Variants in LAMA2 observed in about 807,000 individuals in gnomAD.
LAMA2 encodes the protein laminin subunit alpha 2.
Under a neutral mutation model 364.8 loss-of-function variants are expected in LAMA2, and 269 were observed. The observed-to-expected ratio is 0.74, with a 90% CI of 0.67 to 0.82. The LOEUF (loss-of-function observed/expected upper bound fraction) is 0.82, where lower values mean the gene tolerates loss of function less well. Ranked by LOEUF, LAMA2 falls within the 40% of genes least tolerant of loss-of-function variation. LAMA2 has a pLI of 0.00. For missense variants in LAMA2, 3,807 were observed against 3,873.2 expected (o/e 0.98, Z 0.45); for synonymous variants, 1,379 against 1,370.6 (o/e 1.01, Z -0.14).
intron 4 of LAMA2, among the ~76,000 whole-genome samples, chr6:129,139,116 A>T (rs1279648168): frequency 1.3e-5 from 2 of 152,110 alleles, no homozygotes; most frequent in Non-Finnish European, 2.9e-5. Context: ...ATGGAGGAAG[A>T]CCAATGGAAT....
Position 129,492,484 on chromosome 6 carries a change from G to A in LAMA2, c.8244+1G>A, listed in dbSNP as rs749522728. On this transcript the variant is annotated splice_donor_variant, in intron 58 of 64. Transcript: ENST00000421865. LOFTEE classifies it high-confidence loss of function. ...TACGCCCACCCCAGTTCTGACACAT[G>A]TAAGTGTTTATATTATCCCCATTGC... 8.7e-6 allele frequency: 14 copies of A among 1,611,348 alleles called. No homozygotes were observed. Among genetic ancestry groups the A allele is most frequent in the African/African-American group, 1.3e-5 (1 of 74,804 alleles).
In LAMA2 at chr6:129,456,432, A is replaced by T; in HGVS notation, c.6805A>T (p.Thr2269Ser). ...CCATTCGACGTCTCCTCCAGGGTAC[A>T]CGATTCTAGATGTGGATGCAAATGC... ...THHSTSPPGYTILDVDANAML... is the reference protein window; with the variant it reads ...THHSTSPPGYSILDVDANAML... Residue 2269 changes from threonine (T) to serine (S), a missense_variant, in exon 48 of 65, where the codon ACG becomes TCG. Coordinates refer to ENST00000421865, the MANE Select transcript of LAMA2 (RefSeq NM_000426.4). 1 of 1,613,630 alleles carries T rather than the reference A, an allele frequency of 6.2e-7. No individual in the cohort carries two copies. The highest frequency in any genetic ancestry group is 8.5e-7 in the Non-Finnish European group (1 of 1,179,668).
intron 28 of LAMA2, among the ~76,000 whole-genome samples, chr6:129,325,529 TTC>T (rs1236635640): frequency 3.3e-5 from 5 of 149,952 alleles, no homozygotes; most frequent in Admixed American, 1.4e-4. Flanking sequence ...AAGAGAGAAT[TTC>T]TGTTTTTTTT....
intron 13 of LAMA2, among the ~76,000 whole-genome samples, chr6:129,251,070 CTCTCTCTATATATA>C (rs1395455503): frequency 2.1e-3 from 140 of 67,628 alleles, no homozygotes; most frequent in African/African-American, 5.5e-3. Context: ...CTCTCTCTCT[CTCTCTCTATATATA>C]TATATATATA....
At position 129,267,135 on chromosome 6, in the gene LAMA2, C is replaced by T. The variant is rs777009603; in HGVS notation, c.2238C>T (p.Asn746=). The change falls in exon 16 of 65, where the codon AAC becomes AAT. Residue 746 remains asparagine (N), a synonymous_variant. Coordinates refer to ENST00000421865, the MANE Select transcript of LAMA2 (RefSeq NM_000426.4). ...ESCWPRHRRV[N]GTIFGGICEP... Reference sequence around the variant, plus strand: ...GTTGGCCTAGGCACAGGCGAGTTAACGGCACTATTTTTGGTGGCATCTGTG... The same window carrying T: ...GTTGGCCTAGGCACAGGCGAGTTAATGGCACTATTTTTGGTGGCATCTGTG... The T allele has an allele frequency of 9.9e-6, 16 of 1,612,898 alleles. No homozygotes were observed. The highest frequency in any genetic ancestry group is 9.9e-5 in the South Asian group (9 of 91,060).
At chr6:129,426,656 A>C (rs1781341641) in intron 40 of LAMA2, among the ~76,000 whole-genome samples, 2 of 152,148 alleles carry the variant, frequency 1.3e-5, no homozygotes, top group Admixed American at 6.5e-5. Context: ...AGATGTTTCC[A>C]ATATATCTTT....
rs144402379 is a variant in LAMA2, at chr6:129,007,390, A to C, written c.113-42528A>C. On this transcript the variant is annotated intron_variant, in intron 1 of 64. Transcript: ENST00000421865. ...GCACCACATAGTGTGTGCCAGATAG[A>C]TTGTATGCCTGCTACATAGTAGGCT... Among the ~76,000 whole-genome samples the C allele has an allele frequency of 1.8e-4, 27 of 152,244 alleles. 1 individual carries two copies. Among genetic ancestry groups the C allele is most frequent in the African/African-American group, 6.0e-4 (25 of 41,564 alleles).
At chr6:129,389,543 C>T (rs533087990) in intron 35 of LAMA2, among the ~76,000 whole-genome samples, 1 of 152,252 alleles carries the variant, frequency 6.6e-6, no homozygotes, top group East Asian at 1.9e-4. Flanking sequence ...CTCTCAAAGG[C>T]TCTGTATTAA....
intron 4 of LAMA2, among the ~76,000 whole-genome samples, chr6:129,116,874 A>G (rs573350169): frequency 2.0e-5 from 3 of 152,236 alleles, no homozygotes; most frequent in African/African-American, 7.2e-5. Flanking sequence ...AAATAAATGA[A>G]TTTATTACCA....
chr6:129,417,264 A>G (rs555278988), intron 40 of LAMA2, among the ~76,000 whole-genome samples: 1 of 152,266 alleles, frequency 6.6e-6, no homozygotes, highest in African/African-American at 2.4e-5. Flanking sequence ...ATTGAGTGAC[A>G]GTGCAACTCT....
chr6:129,092,239 C>T (rs1164564715), intron 3 of LAMA2, among the ~76,000 whole-genome samples: 1 of 152,104 alleles, frequency 6.6e-6, no homozygotes, highest in East Asian at 1.9e-4. Context: ...TTTCTATTTT[C>T]TTTCTTTCTT....
chr6:129,145,703 G>A (rs1006598944), intron 5 of LAMA2, among the ~76,000 whole-genome samples: 2 of 151,778 alleles, frequency 1.3e-5, no homozygotes, highest in African/African-American at 2.4e-5. Context: ...TGCAGTATAA[G>A]TCAACATATA....
Position 129,142,960 on chromosome 6 carries a change from C to T in LAMA2, c.640-941C>T, listed in dbSNP as rs1303520370. 2.0e-5 allele frequency among the ~76,000 whole-genome samples: 3 copies of T among 151,866 alleles called. No individual in the cohort carries two copies. The East Asian group carries it at 5.8e-4, about 29-fold the overall frequency. ...ATTTTGTTATGGTGTTGGTGCATTT[C>T]TTTATTGATTTACAAGAGTTCTTTG... is the stretch of plus-strand genomic sequence containing the variant. On this transcript the variant is annotated intron_variant, in intron 4 of 64. Transcript: ENST00000421865.
At chr6:129,207,062 C>T (rs1411190467) in intron 12 of LAMA2, among the ~76,000 whole-genome samples, 1 of 152,222 alleles carries the variant, frequency 6.6e-6, no homozygotes, top group Non-Finnish European at 1.5e-5. Context: ...GCCATTGCCT[C>T]TCAACTTCAG....
At chr6:128,987,126 GTTTTT>G (rs377549921) in intron 1 of LAMA2, among the ~76,000 whole-genome samples, 55 of 121,202 alleles carry the variant, frequency 4.5e-4, no homozygotes, top group African/African-American at 1.2e-3. Flanking sequence ...AGGATAGTTT[GTTTTT>G]TTTTTTTTGT....
intron 4 of LAMA2, among the ~76,000 whole-genome samples, chr6:129,142,434 A>G (rs1778181321): frequency 4.0e-5 from 6 of 151,810 alleles, no homozygotes; most frequent in Middle Eastern, 3.4e-3. Flanking sequence ...AATCTCATTC[A>G]GGAGGGCTCC....
At chr6:129,194,698 G>A (rs1781736336) in intron 12 of LAMA2, among the ~76,000 whole-genome samples, 1 of 152,138 alleles carries the variant, frequency 6.6e-6, no homozygotes, top group Non-Finnish European at 1.5e-5. Context: ...GTGGTTTACT[G>A]TCAGGCATCT....
intron 4 of LAMA2, among the ~76,000 whole-genome samples, chr6:129,119,292 A>G (rs1390017807): frequency 6.6e-6 from 1 of 152,018 alleles, no homozygotes; most frequent in Non-Finnish European, 1.5e-5. Context: ...AGCATTGGTA[A>G]ATTTACTTTG....
intron 9 of LAMA2, among the ~76,000 whole-genome samples, chr6:129,170,644 T>A (rs1268140960): frequency 2.0e-5 from 3 of 151,586 alleles, no homozygotes; most frequent in African/African-American, 7.3e-5. Flanking sequence ...ATTCTGTTGA[T>A]TTGGGGTGGA....
Sources: gnomAD v4.1 joint callset for allele counts (sites outside exome capture counted in the v4.1 genomes callset) on GRCh38, gnomAD v4.1.1 for gene constraint, MANE v1.5 for transcripts, NCBI Gene and HGNC (gene_info 2026-07-23, HGNC 2026-07-21) for gene names.